Variants in PUS7L observed in about 807,000 individuals in gnomAD.
PUS7L encodes pseudouridine synthase 7 like.
Under a neutral mutation model 51.1 loss-of-function variants are expected in PUS7L, and 49 were observed. The observed-to-expected ratio is 0.96, with a 90% CI of 0.76 to 1.22. The LOEUF is 1.22. Among genes scored for constraint, PUS7L ranks in the 50% most tolerant of loss-of-function variants. The pLI, the probability that PUS7L is intolerant of heterozygous loss-of-function variation, is 0.00. For synonymous variants in PUS7L, 277 were observed against 276.2 expected, an observed-to-expected ratio of 1.00 and a Z score of -0.03; for missense variants, 828 against 820.6, an observed-to-expected ratio of 1.01 and a Z score of -0.11.
At position 43,742,458 on chromosome 12, in the gene PUS7L, A is replaced by G. The variant is rs752768026; in HGVS notation, c.1361T>C (p.Met454Thr). ...GATTACATTTTTCAAAATCCATACCATTTCATTCTTCAGCAAAGCTAGTCC... is the reference window on the plus strand; with the variant it reads ...GATTACATTTTTCAAAATCCATACCGTTTCATTCTTCAGCAAAGCTAGTCC... Reference protein sequence around the residue: ...QIGLALLKNEMMKAIKLFLTP... With the variant: ...QIGLALLKNETMKAIKLFLTP... Residue 454 changes from methionine (M) to threonine (T), a missense_variant and splice_region_variant, in exon 5 of 9, where the codon ATG (methionine) becomes ACG (threonine). By Grantham distance (81) the Met-to-Thr change is moderately conservative. Transcript: ENST00000344862. 6.3e-7 allele frequency: 1 copy of G among 1,599,982 alleles called. No individual in the cohort carries two copies. The highest frequency in any genetic ancestry group is 1.1e-5 in the South Asian group (1 of 89,892).
At position 43,727,094 on chromosome 12, in the gene PUS7L, A is replaced by G. The variant is rs1325045833; in HGVS notation, c.*3282T>C. 1 of 152,204 alleles carries G rather than the reference A, an allele frequency of 6.6e-6. No individual in the cohort carries two copies. The highest frequency in any genetic ancestry group is 2.4e-5 in the African/African-American group (1 of 41,458). The allele number at this position is 152,204 out of a possible 1,614,324, so 9.4% of individuals were successfully genotyped here. A position where few individuals can be genotyped will look rare whatever the true frequency, so the allele number is the denominator to read the frequency against. ...AAAAGCATATGAAAAAATGCTGAAC[A>G]TCACTAATCATTAGGGAAATGCAAA... On this transcript the variant is annotated 3_prime_UTR_variant, in exon 9 of 9. Coordinates refer to ENST00000344862, the MANE Select transcript of PUS7L (RefSeq NM_031292.5).
chr12:43,730,820 ACAC>A, intron 8 of PUS7L, 118 bp from the exon 9 acceptor site: 1 of 652,572 alleles, frequency 1.5e-6, no homozygotes. Flanking sequence ...CAGAATATAA[ACAC>A]CACAATCAGC....
intron 4 of PUS7L, chr12:43,742,817 C>G (rs1302541179): frequency 8.6e-6 from 2 of 231,318 alleles, no homozygotes; most frequent in East Asian, 3.6e-4. Flanking sequence ...TGAGGGATTT[C>G]CTGGGATGTG....
chr12:43,731,565 T>G lies in PUS7L; in HGVS notation c.1779+140A>C, dbSNP rs928569671. 3 of 558,660 alleles carry G rather than the reference T, an allele frequency of 5.4e-6. No homozygotes were observed. In the East Asian group the frequency reaches 9.4e-5, roughly 17 times the overall value. The allele number at this position is 558,660 out of a possible 1,614,324, so 34.6% of individuals were successfully genotyped here. On this transcript the variant is annotated intron_variant, in intron 8 of 8. Coordinates refer to ENST00000344862, the MANE Select transcript of PUS7L (RefSeq NM_031292.5). ...AAAGTCTATACAATTGTAAACTAAG[T>G]GAATTTAATTGTATATAAATTATAC... is the stretch of plus-strand genomic sequence containing the variant.
chr12:43,752,944 C>A (rs1041264830), intron 2 of PUS7L, among the ~76,000 whole-genome samples: 2 of 152,114 alleles, frequency 1.3e-5, no homozygotes, highest in African/African-American at 2.4e-5. Flanking sequence ...ATCATTCCTC[C>A]TTTTAACATA....
intron 4 of PUS7L, among the ~76,000 whole-genome samples, chr12:43,743,718 G>C (rs955333199): frequency 6.6e-6 from 1 of 151,832 alleles, no homozygotes; most frequent in Non-Finnish European, 1.5e-5. Context: ...AGCCGAGATC[G>C]TGCCACTGCA....
At chr12:43,736,776 C>T (rs1944704473) in intron 6 of PUS7L, 115 bp from the exon 7 acceptor site, 2 of 866,654 alleles carry the variant, frequency 2.3e-6, no homozygotes, top group Admixed American at 2.4e-5. Context: ...AGATGATATT[C>T]AACACTTTCA....
intron 8 of PUS7L, among the ~76,000 whole-genome samples, chr12:43,730,930 C>G (rs1419179729): frequency 6.6e-6 from 1 of 152,082 alleles, no homozygotes; most frequent in East Asian, 1.9e-4. Flanking sequence ...AGGTAACCAA[C>G]TCAAATCAGA....
chr12:43,743,440 C>A (rs1190730289), intron 4 of PUS7L, among the ~76,000 whole-genome samples: 1 of 152,200 alleles, frequency 6.6e-6, no homozygotes, highest in African/African-American at 2.4e-5. Flanking sequence ...GGTACAAAAG[C>A]AATTGCATCT....
In PUS7L at chr12:43,742,455, A is replaced by C. The variant is rs202061635; in HGVS notation, c.1362+2T>G. 153 of 1,595,238 alleles carry C rather than the reference A, an allele frequency of 9.6e-5. No homozygotes were observed. In the East Asian group the frequency reaches 2.0e-3, roughly 21 times the overall value. On this transcript the variant is annotated splice_donor_variant, in intron 5 of 8. Transcript: ENST00000344862. LOFTEE classifies it high-confidence loss of function. ...TAAGATTACATTTTTCAAAATCCATACCATTTCATTCTTCAGCAAAGCTAG... is the reference window on the plus strand; with the variant it reads ...TAAGATTACATTTTTCAAAATCCATCCCATTTCATTCTTCAGCAAAGCTAG...
At chr12:43,743,623 C>T (rs10880561) in intron 4 of PUS7L, among the ~76,000 whole-genome samples, 22,912 of 151,888 alleles carry the variant, frequency 0.15, 2,363 homozygotes, top group African/African-American at 0.29. Context: ...ATTAGCTGGG[C>T]GTGGTGGCGG....
intron 5 of PUS7L, chr12:43,738,852 C>A (rs1937742753): frequency 3.2e-6 from 1 of 309,098 alleles, no homozygotes; most frequent in Non-Finnish European, 6.5e-6. Context: ...CCAGAAGAAG[C>A]ACCAAGAAAA....
At chr12:43,740,345 A>G (rs1937836143) in intron 5 of PUS7L, among the ~76,000 whole-genome samples, 1 of 152,190 alleles carries the variant, frequency 6.6e-6, no homozygotes, top group African/African-American at 2.4e-5. Context: ...GCCACATGCT[A>G]GGTACTGCAT....
At position 43,748,616 on chromosome 12, in the gene PUS7L, C is replaced by CAAA; in HGVS notation, c.911-10_911-8dup. ...TCCTTTCGTAGGGTAAAAGCTGAAA[C>CAAA]AAAAAAAAAACTTAGATCACAAAAA... On this transcript the variant is annotated splice_region_variant and splice_polypyrimidine_tract_variant and intron_variant, in intron 2 of 8. Transcript: ENST00000344862. 4 of 1,404,766 alleles carry CAAA rather than the reference C, an allele frequency of 2.8e-6. No individual in the cohort carries two copies. Among genetic ancestry groups the CAAA allele is most frequent in the Admixed American group, 2.4e-5 (1 of 41,218 alleles). 87.0% of individuals were successfully genotyped at this position (1,404,766 alleles called of 1,614,324 possible).
At chr12:43,745,175 G>A (rs758643232) in intron 4 of PUS7L, among the ~76,000 whole-genome samples, 5 of 152,184 alleles carry the variant, frequency 3.3e-5, no homozygotes, top group Non-Finnish European at 7.3e-5. Flanking sequence ...GTTTGCTGAT[G>A]TCTAGATGAT....
At chr12:43,753,142 T>C (rs1410483936) in intron 2 of PUS7L, among the ~76,000 whole-genome samples, 1 of 152,198 alleles carries the variant, frequency 6.6e-6, no homozygotes, top group Non-Finnish European at 1.5e-5. Context: ...GCTAGTATTG[T>C]TTTTCCTTCA....
intron 2 of PUS7L, among the ~76,000 whole-genome samples, chr12:43,749,168 T>A (rs975066816): frequency 6.6e-6 from 1 of 152,192 alleles, no homozygotes; most frequent in Non-Finnish European, 1.5e-5. Context: ...AAATCCACTT[T>A]TCCTGTCTCC....
In PUS7L at chr12:43,736,562, C is replaced by A; in HGVS notation, c.1544G>T (p.Cys515Phe). The change falls in exon 7 of 9, where the codon TGT becomes TTT. Residue 515 changes from cysteine to phenylalanine, a missense_variant. Coordinates refer to ENST00000344862, the MANE Select transcript of PUS7L (RefSeq NM_031292.5). The part of the protein sequence containing the change: ...LHRFGMTEEG[C>F]IQAWFSLPHS... The stretch of plus-strand genomic sequence containing the variant: ...GGGTAAAGAGAACCATGCCTGGATA[C>A]AACCTTCCTCGGTCATGCCAAAGCG... 6.2e-7 allele frequency: 1 copy of A among 1,614,042 alleles called. No homozygotes were observed. The highest frequency in any genetic ancestry group is 1.1e-5 in the South Asian group (1 of 91,080).
intron 1 of PUS7L, among the ~76,000 whole-genome samples, chr12:43,757,141 T>TC (rs1270184979): frequency 3.3e-5 from 5 of 152,212 alleles, no homozygotes; most frequent in Non-Finnish European, 5.9e-5. Flanking sequence ...GAGAAGTTTT[T>TC]CCTGACCAAT....
Sources: gnomAD v4.1 joint callset for allele counts (sites outside exome capture counted in the v4.1 genomes callset) on GRCh38, gnomAD v4.1.1 for gene constraint, MANE v1.5 for transcripts, NCBI Gene and HGNC (gene_info 2026-07-23, HGNC 2026-07-21) for gene names.